The following DGKB variants were observed in gnomAD, a reference collection of about 807,000 sequenced individuals.
The protein encoded by DGKB is 90 kDa diacylglycerol kinase.
DGKB carries 67 observed loss-of-function variants against 114.3 expected under a neutral mutation model. That is an observed-to-expected ratio of 0.59 (90% CI 0.48 to 0.72). The LOEUF is 0.72. DGKB is among the 30% of genes least tolerant of loss of function. The pLI is 0.00. For missense variants in DGKB, 907 were observed against 975.2 expected (o/e 0.93, Z 0.93); for synonymous variants, 398 against 323.1 (o/e 1.23, Z -2.49).
In DGKB at chr7:14,304,416, A is replaced by C. The variant is rs145975444; in HGVS notation, c.2122+34099T>G. Among the ~76,000 whole-genome samples the C allele has an allele frequency of 8.5e-5, 13 of 152,152 alleles. No individual in the cohort carries two copies. In the East Asian group the frequency reaches 2.3e-3, roughly 27 times the overall value. On this transcript the variant is annotated intron_variant, in intron 23 of 25. Coordinates refer to ENST00000402815, the MANE Select transcript of DGKB (RefSeq NM_001350709.2). ...CAATATTCCCAGATTTTCTTGTCAT[A>C]ATACACAACATCCCACAGTCCCACT...
intron 12 of DGKB, among the ~76,000 whole-genome samples, chr7:14,674,935 A>G (rs576176409): frequency 6.6e-6 from 1 of 152,226 alleles, no homozygotes; most frequent in South Asian, 2.1e-4. Context: ...ATTATATGAC[A>G]TTTTGTTACA....
intron 23 of DGKB, among the ~76,000 whole-genome samples, chr7:14,271,397 G>A (rs781451693): frequency 6.6e-6 from 1 of 152,114 alleles, no homozygotes; most frequent in Non-Finnish European, 1.5e-5. Flanking sequence ...CTGTGGCCCT[G>A]TGATTCTATT....
chr7:14,957,400 T>C (rs774036161), intron 1 of DGKB, among the ~76,000 whole-genome samples: 2 of 152,030 alleles, frequency 1.3e-5, no homozygotes, highest in South Asian at 2.1e-4. Context: ...CAGTTTCTTA[T>C]GTAGCCAACT....
chr7:14,404,060 G>A (rs1823559684), intron 21 of DGKB, among the ~76,000 whole-genome samples: 1 of 151,634 alleles, frequency 6.6e-6, no homozygotes, highest in Non-Finnish European at 1.5e-5. Context: ...TCACATCAAA[G>A]AGAAGTGGGT....
chr7:14,835,672 C>T (rs551475668), intron 2 of DGKB, among the ~76,000 whole-genome samples: 2 of 152,236 alleles, frequency 1.3e-5, no homozygotes, highest in East Asian at 1.9e-4. Flanking sequence ...TGACTACACA[C>T]CTGTGAGGAG....
chr7:14,668,190 A>T (rs1304414908), intron 13 of DGKB, among the ~76,000 whole-genome samples: 2 of 152,144 alleles, frequency 1.3e-5, no homozygotes, highest in Non-Finnish European at 2.9e-5. Context: ...TGCTACTGGG[A>T]CAATCCTAGA....
At chr7:14,720,542 A>C (rs1407965748) in intron 5 of DGKB, among the ~76,000 whole-genome samples, 2 of 149,256 alleles carry the variant, frequency 1.3e-5, no homozygotes, top group African/African-American at 5.0e-5. Flanking sequence ...ATGGTGTTTC[A>C]CCATGTTGGT....
intron 1 of DGKB, among the ~76,000 whole-genome samples, chr7:14,963,754 T>C (rs1406467875): frequency 6.6e-6 from 1 of 152,114 alleles, no homozygotes; most frequent in Non-Finnish European, 1.5e-5. Flanking sequence ...AATTCCCATT[T>C]CTCAGCTAAC....
chr7:14,838,020 T>TA (rs1442092713), intron 2 of DGKB, among the ~76,000 whole-genome samples: 1 of 152,188 alleles, frequency 6.6e-6, no homozygotes, highest in Admixed American at 6.5e-5. Context: ...ATAATGCTCT[T>TA]ACACTCAGTG....
chr7:14,769,070 TAAGAA>T (rs1275310120), intron 2 of DGKB, among the ~76,000 whole-genome samples: 2 of 84,268 alleles, frequency 2.4e-5, no homozygotes, highest in African/African-American at 4.9e-5. Context: ...TTTTTAAAGA[TAAGAA>T]AGAAAGAAAG....
intron 21 of DGKB, among the ~76,000 whole-genome samples, chr7:14,379,157 T>C (rs537644766): frequency 1.8e-4 from 28 of 152,268 alleles, no homozygotes; most frequent in Non-Finnish European, 3.4e-4. Context: ...ATTTTCTAAA[T>C]TTGTTATTTG....
chr7:14,395,400 T>C (rs1822055673), intron 21 of DGKB, among the ~76,000 whole-genome samples: 1 of 152,052 alleles, frequency 6.6e-6, no homozygotes, highest in Non-Finnish European at 1.5e-5. Flanking sequence ...TTAGTAAATA[T>C]ACTTTTTAAA....
intron 1 of DGKB, among the ~76,000 whole-genome samples, chr7:14,920,525 A>T (rs1026579008): frequency 1.3e-5 from 2 of 152,244 alleles, no homozygotes; most frequent in Non-Finnish European, 2.9e-5. Flanking sequence ...TAGAACAACC[A>T]GAACTTCATT....
chr7:14,487,976 T>G (rs772833123), intron 20 of DGKB, among the ~76,000 whole-genome samples: 8 of 152,094 alleles, frequency 5.3e-5, no homozygotes, highest in Non-Finnish European at 8.8e-5. Context: ...CTGCTGTAAA[T>G]AAAAACTTAT....
chr7:14,852,310 GTTTAA>G (rs985879642), intron 1 of DGKB, among the ~76,000 whole-genome samples: 5 of 151,386 alleles, frequency 3.3e-5, no homozygotes, highest in African/African-American at 1.2e-4. Flanking sequence ...GTGTGTGTGT[GTTTAA>G]TTTAATTTAC....
chr7:14,778,706 G>T (rs2128484348), intron 2 of DGKB, among the ~76,000 whole-genome samples: 1 of 152,270 alleles, frequency 6.6e-6, no homozygotes, highest in Middle Eastern at 3.4e-3. Context: ...GAAGGGAGAG[G>T]TGAAGAGGGA....
intron 20 of DGKB, among the ~76,000 whole-genome samples, chr7:14,548,320 C>G (rs1425301064): frequency 2.6e-5 from 4 of 152,126 alleles, no homozygotes; most frequent in Non-Finnish European, 1.5e-5. Context: ...AACTGAGAAA[C>G]AATGTGTAAA....
In DGKB at chr7:14,563,443, TTAA is replaced by T. The variant is rs1191198364; in HGVS notation, c.1770+10766_1770+10768del. Among the ~76,000 whole-genome samples the T allele has an allele frequency of 2.0e-5, 3 of 152,304 alleles. No individual in the cohort carries two copies. In the East Asian group the frequency reaches 5.8e-4, roughly 29 times the overall value. On this transcript the variant is annotated intron_variant, in intron 20 of 25. Coordinates refer to ENST00000402815, the MANE Select transcript of DGKB (RefSeq NM_001350709.2). ...AAAGTGGTAAGTGCCATTTTGTCTG[TTAA>T]TGAGTTGACAGAATTGAGTGAATTT...
intron 4 of DGKB, among the ~76,000 whole-genome samples, chr7:14,739,999 C>T (rs1422776666): frequency 1.3e-5 from 2 of 152,250 alleles, no homozygotes; most frequent in Non-Finnish European, 2.9e-5. Flanking sequence ...GTACTTTCGG[C>T]ATCCAACAGC....
Sources: allele counts gnomAD v4.1 joint callset (sites outside exome capture counted in the v4.1 genomes callset), GRCh38; gene constraint gnomAD v4.1.1; transcripts MANE v1.5; gene names NCBI Gene and HGNC (gene_info 2026-07-23, HGNC 2026-07-21).